Variants in ME2 observed in about 807,000 individuals in gnomAD.
ME2 encodes the protein malic enzyme 2.
A neutral mutation model predicts 73.7 loss-of-function variants in ME2; 60 were observed. The ratio of observed to expected loss-of-function variants is 0.81; its 90% CI spans 0.66 to 1.01. ME2 has a LOEUF of 1.01. Ranked by LOEUF, ME2 falls within the 50% of genes least tolerant of loss-of-function variation. ME2 has a pLI of 0.00. For synonymous variants in ME2, 199 were observed against 236.9 expected, an observed-to-expected ratio of 0.84 and a Z score of 1.47; for missense variants, 594 against 705.5, an observed-to-expected ratio of 0.84 and a Z score of 1.79.
intron 15 of ME2, among the ~76,000 whole-genome samples, chr18:50,944,636 G>A (rs1270016990): frequency 1.3e-5 from 2 of 152,194 alleles, no homozygotes; most frequent in Non-Finnish European, 2.9e-5. Flanking sequence ...TTTGCAGTGA[G>A]TGTGAGCCCC....
chr18:50,939,036 A>G (rs1917878305), intron 13 of ME2: 1 of 152,040 alleles, frequency 6.6e-6, no homozygotes, highest in Non-Finnish European at 1.5e-5. Context: ...AAGAAAGCTG[A>G]AAATATGAAA....
At chr18:50,894,838 C>T (rs1490889012) in intron 1 of ME2, among the ~76,000 whole-genome samples, 1 of 145,006 alleles carries the variant, frequency 6.9e-6, no homozygotes, top group South Asian at 2.2e-4. Flanking sequence ...GATCATGCCA[C>T]TGCACTCCAG....
intron 1 of ME2, among the ~76,000 whole-genome samples, chr18:50,881,636 C>T (rs897116787): frequency 6.6e-6 from 1 of 152,122 alleles, no homozygotes; most frequent in Non-Finnish European, 1.5e-5. Flanking sequence ...TCATTCTTGA[C>T]TTTGAGATTT....
rs556352712 is a variant in ME2 at position 50,947,000 on chromosome 18, C to T, written c.1588-17C>T. On this transcript the variant is annotated splice_polypyrimidine_tract_variant and intron_variant, in intron 15 of 15. Coordinates refer to ENST00000321341, the MANE Select transcript of ME2 (RefSeq NM_002396.5). Reference sequence around the variant, plus strand: ...TTAATACTCAGAGCCTACACAATAACCTTACTTATTTTTCAGGTTACAGAA... The same window carrying T: ...TTAATACTCAGAGCCTACACAATAATCTTACTTATTTTTCAGGTTACAGAA... 1.9e-6 allele frequency: 3 copies of T among 1,594,602 alleles called. No individual in the cohort carries two copies. The highest frequency in any genetic ancestry group is 3.4e-5 in the Admixed American group (2 of 59,700).
intron 12 of ME2, among the ~76,000 whole-genome samples, chr18:50,927,517 A>C (rs937346538): frequency 2.0e-5 from 3 of 151,542 alleles, no homozygotes; most frequent in Admixed American, 2.0e-4. Flanking sequence ...TGGCTAACAT[A>C]GTGAAACCCC....
chr18:50,889,686 T>C (rs1053214016), intron 1 of ME2, among the ~76,000 whole-genome samples: 11 of 152,234 alleles, frequency 7.2e-5, no homozygotes, highest in African/African-American at 2.7e-4. Flanking sequence ...ATTAGAATTA[T>C]GACTGACAAC....
chr18:50,901,853 A>T (rs1047072391), intron 2 of ME2, among the ~76,000 whole-genome samples: 10 of 152,120 alleles, frequency 6.6e-5, no homozygotes, highest in African/African-American at 2.4e-4. Context: ...AAATTTTTTT[A>T]AAAAAACACC....
chr18:50,898,191 A>G (rs1478580719), intron 2 of ME2, among the ~76,000 whole-genome samples: 1 of 152,236 alleles, frequency 6.6e-6, no homozygotes, highest in East Asian at 1.9e-4. Context: ...TAAAGGCAGT[A>G]TTGAATTCTG....
At chr18:50,918,458 T>C (rs576644143) in intron 7 of ME2, among the ~76,000 whole-genome samples, 23 of 152,338 alleles carry the variant, frequency 1.5e-4, no homozygotes, top group African/African-American at 5.3e-4. Flanking sequence ...CTGCCCTCAC[T>C]GCTTCCATCA....
chr18:50,928,518 A>G (rs1017087916), intron 12 of ME2, among the ~76,000 whole-genome samples: 14 of 152,310 alleles, frequency 9.2e-5, no homozygotes, highest in East Asian at 7.7e-4. Flanking sequence ...GATTACAGGC[A>G]TGAGCCACTG....
rs1917711225 is a variant in ME2 at position 50,932,285 on chromosome 18, C to A, written c.1342C>A (p.Pro448Thr). 6.2e-7 allele frequency: 1 copy of A among 1,611,604 alleles called. No homozygotes were observed. The highest frequency in any genetic ancestry group is 1.3e-5 in the African/African-American group (1 of 74,838). ...EGRCLFASGS[P>T]FGPVKLTDGR... The stretch of plus-strand genomic sequence containing the variant: ...CAGGTGTTTGTTTGCCAGTGGCAGT[C>A]CATTTGGGCCAGTGAAACTTACAGA... Residue 448 changes from proline (P) to threonine (T), a missense_variant, in exon 13 of 16, where the codon CCA becomes ACA. Physicochemically the swap from Pro to Thr is conservative, Grantham distance 38. Transcript: ENST00000321341.
At chr18:50,936,937 A>T (rs1917832982) in intron 13 of ME2, among the ~76,000 whole-genome samples, 1 of 152,212 alleles carries the variant, frequency 6.6e-6, no homozygotes, top group South Asian at 2.1e-4. Context: ...TCTCAAAAAA[A>T]AATTTAATGT....
chr18:50,937,989 C>T (rs1917855909), intron 13 of ME2, among the ~76,000 whole-genome samples: 1 of 152,060 alleles, frequency 6.6e-6, no homozygotes. Flanking sequence ...TAAAATAATG[C>T]ACATCAAGGC....
At position 50,920,571 on chromosome 18, in the gene ME2, G is replaced by C. The variant is rs749238872; in HGVS notation, c.844+6G>C. ...TTTCAATGATGATATTCAAGGTAAA[G>C]CAAAAAAACTTCAGGGTTTTGATTC... On this transcript the variant is annotated splice_donor_region_variant and intron_variant, in intron 8 of 15. Transcript: ENST00000321341. 1 of 1,574,924 alleles carries C rather than the reference G, an allele frequency of 6.3e-7. No individual in the cohort carries two copies. The highest frequency in any genetic ancestry group is 1.2e-5 in the South Asian group (1 of 84,680).
chr18:50,902,422 G>C (rs1293762279), intron 2 of ME2, among the ~76,000 whole-genome samples: 4 of 152,072 alleles, frequency 2.6e-5, no homozygotes, highest in African/African-American at 9.7e-5. Context: ...TGGTGAGACA[G>C]AGATTTACTC....
At chr18:50,881,197 T>TTGTG (rs1389129321) in intron 1 of ME2, among the ~76,000 whole-genome samples, 1 of 151,904 alleles carries the variant, frequency 6.6e-6, no homozygotes, top group Admixed American at 6.6e-5. Context: ...CCCGGCTAAT[T>TTGTG]TGTGTGTGTG....
intron 10 of ME2, among the ~76,000 whole-genome samples, chr18:50,921,720 C>T (rs1421291261): frequency 6.6e-6 from 1 of 151,988 alleles, no homozygotes; most frequent in Admixed American, 6.6e-5. Flanking sequence ...CGTGCCTGGC[C>T]GTGAGCAGAA....
At position 50,949,480 on chromosome 18, in the gene ME2, T is replaced by C. The variant is rs1918170626; in HGVS notation, c.*2296T>C. On this transcript the variant is annotated 3_prime_UTR_variant, in exon 16 of 16. Transcript: ENST00000321341. ...TCCTGAGCAGCTTGGACTAAAGGTGTGCACCACCGCACCTGGCTGAGAGGC... is the reference window on the plus strand; with the variant it reads ...TCCTGAGCAGCTTGGACTAAAGGTGCGCACCACCGCACCTGGCTGAGAGGC... 6.6e-6 allele frequency: 1 copy of C among 152,204 alleles called. No individual in the cohort carries two copies. Among genetic ancestry groups the C allele is most frequent in the Non-Finnish European group, 1.5e-5 (1 of 68,062 alleles). 9.4% of individuals were successfully genotyped at this position (152,204 alleles called of 1,614,324 possible).
rs139692865 is a variant in ME2 at position 50,938,686 on chromosome 18, G to T, written c.1418-884G>T. On this transcript the variant is annotated intron_variant, in intron 13 of 15. Coordinates refer to ENST00000321341, the MANE Select transcript of ME2 (RefSeq NM_002396.5). ...TTGGGAAATGGAATCAACTTAGAAAGAAGCAAAGAGGCCTGTAATGATAAA... is the reference window on the plus strand; with the variant it reads ...TTGGGAAATGGAATCAACTTAGAAATAAGCAAAGAGGCCTGTAATGATAAA... 6.8e-3 allele frequency among the ~76,000 whole-genome samples: 1,040 copies of T among 152,282 alleles called. 2 individuals carry two copies. Among genetic ancestry groups the T allele is most frequent in the Middle Eastern group, 0.017 (5 of 294 alleles).
Sources: allele counts gnomAD v4.1 joint callset (sites outside exome capture counted in the v4.1 genomes callset), GRCh38; gene constraint gnomAD v4.1.1; transcripts MANE v1.5; gene names NCBI Gene and HGNC (gene_info 2026-07-23, HGNC 2026-07-21).